MBD5: variants seen among roughly 807,000 people sequenced by gnomAD.
MBD5 encodes methyl-CpG binding domain protein 5.
A neutral mutation model predicts 117.3 loss-of-function variants in MBD5; 13 were observed. The ratio of observed to expected loss-of-function variants is 0.11; its 90% CI spans 0.07 to 0.18. The LOEUF is 0.18. Ranked by LOEUF, MBD5 falls within the 10% of genes least tolerant of loss-of-function variation. MBD5 has a pLI of 1.00. For synonymous variants in MBD5, 727 were observed against 766.4 expected, an observed-to-expected ratio of 0.95 and a Z score of 0.85; for missense variants, 1,879 against 2,093.8, an observed-to-expected ratio of 0.90 and a Z score of 2.00.
chr2:148,194,684 G>A (rs1362418128), intron 2 of MBD5, among the ~76,000 whole-genome samples: 11 of 123,224 alleles, frequency 8.9e-5, no homozygotes, highest in South Asian at 6.4e-4. Context: ...TGGGTGCAGC[G>A]CACCAGCATG....
intron 1 of MBD5, among the ~76,000 whole-genome samples, chr2:148,031,184 T>G (rs1476245172): frequency 6.6e-6 from 1 of 152,198 alleles, no homozygotes; most frequent in Admixed American, 6.5e-5. Flanking sequence ...TTGTAATGTT[T>G]TCTATAATCA....
At chr2:148,319,296 G>A (rs757126471) in intron 3 of MBD5, among the ~76,000 whole-genome samples, 1 of 152,028 alleles carries the variant, frequency 6.6e-6, no homozygotes, top group Non-Finnish European at 1.5e-5. Flanking sequence ...GTGAAAAATG[G>A]TGCTGCTAAT....
chr2:148,110,451 T>C (rs1486032812), intron 1 of MBD5, among the ~76,000 whole-genome samples: 1 of 152,208 alleles, frequency 6.6e-6, no homozygotes, highest in Non-Finnish European at 1.5e-5. Flanking sequence ...CTTTAGAGTA[T>C]TGTTATTAAG....
intron 4 of MBD5, among the ~76,000 whole-genome samples, chr2:148,362,011 G>A (rs778367625): frequency 1.8e-4 from 27 of 152,258 alleles, no homozygotes; most frequent in South Asian, 1.2e-3. Flanking sequence ...AGATTCCCTC[G>A]GGTGCCTACA....
intron 3 of MBD5, among the ~76,000 whole-genome samples, chr2:148,242,771 C>T (rs761549544): frequency 6.6e-6 from 1 of 152,118 alleles, no homozygotes; most frequent in African/African-American, 2.4e-5. Context: ...CCTTGCTAAA[C>T]ATGTAATTTT....
chr2:148,396,302 G>A (rs1441327251), intron 4 of MBD5, among the ~76,000 whole-genome samples: 2 of 152,146 alleles, frequency 1.3e-5, no homozygotes, highest in African/African-American at 2.4e-5. Flanking sequence ...AGCCAGAGCT[G>A]GTGTTAGAGA....
In MBD5 at chr2:148,424,177, C is replaced by CAAAAAAAAAAAAAA. The variant is rs56740583; in HGVS notation, c.-556-34000_-556-33987dup. Reference sequence around the variant, plus strand: ...TGGGCAACAGAGCAAGACTCTGTCTCAAAAAAAAAAAAAAAAAAAAAAAAA... The same window carrying CAAAAAAAAAAAAAA: ...TGGGCAACAGAGCAAGACTCTGTCTCAAAAAAAAAAAAAAAAAAAAAAAAAAAAAAAAAAAAAAA... On this transcript the variant is annotated intron_variant, in intron 4 of 13. Coordinates refer to ENST00000642680, the MANE Select transcript of MBD5 (RefSeq NM_001378120.1). Among the ~76,000 whole-genome samples, 18 of 53,456 alleles carry CAAAAAAAAAAAAAA rather than the reference C, an allele frequency of 3.4e-4. 2 individuals carry two copies. The highest frequency in any genetic ancestry group is 5.2e-4 in the Non-Finnish European group (12 of 23,298). 35.1% of individuals were successfully genotyped at this position (53,456 alleles called of 152,430 possible).
intron 1 of MBD5, among the ~76,000 whole-genome samples, chr2:148,145,958 C>T (rs906037839): frequency 6.6e-6 from 1 of 152,126 alleles, no homozygotes; most frequent in Non-Finnish European, 1.5e-5. Flanking sequence ...ATGATGTTGG[C>T]CTCATAAAAT....
chr2:148,244,184 CT>C (rs955416467), intron 3 of MBD5: 8 of 151,932 alleles, frequency 5.3e-5, no homozygotes, highest in Non-Finnish European at 8.8e-5. Flanking sequence ...CAAATTATTT[CT>C]TTGAACTCTG....
intron 4 of MBD5, chr2:148,346,701 A>G (rs1189163631): frequency 6.6e-6 from 1 of 151,940 alleles, no homozygotes; most frequent in Non-Finnish European, 1.5e-5. Context: ...GATAAGAATC[A>G]TAATCATATT....
chr2:148,055,951 G>T (rs745832228), intron 1 of MBD5: 3 of 152,066 alleles, frequency 2.0e-5, no homozygotes, highest in African/African-American at 7.2e-5. Flanking sequence ...TTCATAATCA[G>T]TTTGGCATGT....
At chr2:148,500,122 G>A (rs1407186887) in intron 11 of MBD5, among the ~76,000 whole-genome samples, 1 of 151,948 alleles carries the variant, frequency 6.6e-6, no homozygotes, top group East Asian at 1.9e-4. Context: ...CCATGGCAGA[G>A]TATTAGTTCA....
intron 1 of MBD5, among the ~76,000 whole-genome samples, chr2:148,061,903 A>C (rs1388321914): frequency 6.6e-6 from 1 of 151,598 alleles, no homozygotes; most frequent in East Asian, 1.9e-4. Context: ...CAGGATTTTA[A>C]ATATTTCCCA....
intron 4 of MBD5, among the ~76,000 whole-genome samples, chr2:148,410,528 C>A (rs1294853812): frequency 6.6e-6 from 1 of 152,174 alleles, no homozygotes; most frequent in Non-Finnish European, 1.5e-5. Flanking sequence ...CACTCTGGCT[C>A]AAGCAATCCT....
At chr2:148,409,576 C>T (rs1321729504) in intron 4 of MBD5, among the ~76,000 whole-genome samples, 1 of 140,826 alleles carries the variant, frequency 7.1e-6, no homozygotes, top group African/African-American at 2.9e-5. Context: ...AGGGAACATA[C>T]CATGTATTAT....
intron 1 of MBD5, among the ~76,000 whole-genome samples, chr2:148,114,841 T>C (rs1466125150): frequency 6.6e-6 from 1 of 152,124 alleles, no homozygotes; most frequent in Non-Finnish European, 1.5e-5. Flanking sequence ...TTTCTTAAAT[T>C]GGAAATGTCT....
intron 1 of MBD5, among the ~76,000 whole-genome samples, chr2:148,154,696 C>A (rs1022575081): frequency 6.6e-6 from 1 of 152,156 alleles, no homozygotes; most frequent in African/African-American, 2.4e-5. Flanking sequence ...CCCGATTTTC[C>A]AGGTGTGTCC....
At chr2:148,369,941 T>C (rs1703807208) in intron 4 of MBD5, among the ~76,000 whole-genome samples, 1 of 152,166 alleles carries the variant, frequency 6.6e-6, no homozygotes, top group African/African-American at 2.4e-5. Context: ...ATCCAGTCTC[T>C]TCCAATCCCC....
At chr2:148,067,339 C>A (rs893241521) in intron 1 of MBD5, among the ~76,000 whole-genome samples, 2 of 152,062 alleles carry the variant, frequency 1.3e-5, no homozygotes, top group African/African-American at 2.4e-5. Flanking sequence ...ATAATAACTA[C>A]GATATTTTTG....
Sources: gnomAD v4.1 joint callset for allele counts (sites outside exome capture counted in the v4.1 genomes callset) on GRCh38, gnomAD v4.1.1 for gene constraint, MANE v1.5 for transcripts, NCBI Gene and HGNC (gene_info 2026-07-23, HGNC 2026-07-21) for gene names.